The following LIMS1 variants were observed in gnomAD, a reference collection of about 807,000 sequenced individuals.
LIMS1 encodes the protein LIM zinc finger domain containing 1, also known as LIM and senescent cell antigen-like-containing domain protein 1.
Under a neutral mutation model 44.1 loss-of-function variants are expected in LIMS1, and 18 were observed. That is an observed-to-expected ratio of 0.41 (90% CI 0.28 to 0.61). The LOEUF (loss-of-function observed/expected upper bound fraction) is 0.61. LIMS1 is among the 20% of genes least tolerant of loss of function. The pLI, the probability that LIMS1 is intolerant of heterozygous loss-of-function variation, is 0.32. For missense variants in LIMS1, 201 were observed against 422.0 expected, an observed-to-expected ratio of 0.48 and a Z score of 4.59; for synonymous variants, 93 against 149.1, an observed-to-expected ratio of 0.62 and a Z score of 2.74.
intron 1 of LIMS1, among the ~76,000 whole-genome samples, chr2:108,625,636 T>A (rs1558815621): frequency 6.6e-6 from 1 of 150,840 alleles, no homozygotes; most frequent in Non-Finnish European, 1.5e-5. Context: ...AGGAGTAAAG[T>A]GAAAATGGGA....
intron 2 of LIMS1, among the ~76,000 whole-genome samples, chr2:108,664,313 A>T (rs1348969229): frequency 6.6e-6 from 1 of 152,184 alleles, no homozygotes; most frequent in Non-Finnish European, 1.5e-5. Flanking sequence ...AGCTTACTTG[A>T]AAGCAGCTCA....
At chr2:108,615,244 A>C (rs1448800245) in intron 1 of LIMS1, among the ~76,000 whole-genome samples, 1 of 152,206 alleles carries the variant, frequency 6.6e-6, no homozygotes. Flanking sequence ...AATTCCTTTT[A>C]AAAATAAGTT....
At chr2:108,681,127 C>T in intron 9 of LIMS1, 1 of 1,275,510 alleles carries the variant, frequency 7.8e-7, no homozygotes, top group Non-Finnish European at 9.9e-7. Flanking sequence ...ACTTTTCTAT[C>T]CCTGTGTCAT....
intron 1 of LIMS1, among the ~76,000 whole-genome samples, chr2:108,651,060 A>G (rs1690448490): frequency 6.6e-6 from 1 of 152,122 alleles, no homozygotes; most frequent in Non-Finnish European, 1.5e-5. Context: ...CAGAATGCCA[A>G]AATGGGCTGC....
chr2:108,545,391 G>T (rs566753108), intron 1 of LIMS1, among the ~76,000 whole-genome samples: 1 of 152,050 alleles, frequency 6.6e-6, no homozygotes, highest in Admixed American at 6.6e-5. Context: ...CCACCACCTC[G>T]CCTGGCTAAT....
chr2:108,538,325 A>G (rs1234591451), intron 1 of LIMS1, among the ~76,000 whole-genome samples: 1 of 152,214 alleles, frequency 6.6e-6, no homozygotes, highest in Non-Finnish European at 1.5e-5. Flanking sequence ...AGGAATGAGT[A>G]AGGGAGTCAT....
intron 1 of LIMS1, among the ~76,000 whole-genome samples, chr2:108,623,504 T>C (rs1688377937): frequency 6.6e-6 from 1 of 152,198 alleles, no homozygotes; most frequent in Non-Finnish European, 1.5e-5. Context: ...GCAGGTGGCA[T>C]TGTTATCTTG....
chr2:108,573,222 G>A (rs1455608689), intron 1 of LIMS1, among the ~76,000 whole-genome samples: 1 of 151,932 alleles, frequency 6.6e-6, no homozygotes, highest in Non-Finnish European at 1.5e-5. Flanking sequence ...TTTTATTGCA[G>A]AGTGATTACA....
At chr2:108,683,224 CTAATT>C (rs1693121909) in intron 9 of LIMS1, among the ~76,000 whole-genome samples, 1 of 152,044 alleles carries the variant, frequency 6.6e-6, no homozygotes, top group South Asian at 2.1e-4. Flanking sequence ...TCATGGCTAC[CTAATT>C]TAAAGTACTA....
intron 1 of LIMS1, among the ~76,000 whole-genome samples, chr2:108,587,913 T>G (rs1376768356): frequency 6.6e-6 from 1 of 152,064 alleles, no homozygotes; most frequent in Non-Finnish European, 1.5e-5. Flanking sequence ...GCCTGCACCT[T>G]GCCACCGGAA....
At chr2:108,577,294 G>A (rs866149077) in intron 1 of LIMS1, among the ~76,000 whole-genome samples, 10 of 152,312 alleles carry the variant, frequency 6.6e-5, no homozygotes, top group African/African-American at 2.2e-4. Flanking sequence ...ACTCACTTCC[G>A]TGATGAACCC....
At chr2:108,673,353 G>A in intron 5 of LIMS1, 2 of 390,140 alleles carry the variant, frequency 5.1e-6, no homozygotes, top group Non-Finnish European at 9.3e-6. Flanking sequence ...GAGAATAAGA[G>A]CATTTTCCTA....
At chr2:108,667,485 G>T in intron 2 of LIMS1, among the ~76,000 whole-genome samples, 1 of 144,384 alleles carries the variant, frequency 6.9e-6, no homozygotes, top group Non-Finnish European at 1.5e-5. Context: ...CCAAATTATA[G>T]TTAATCCTAA....
intron 1 of LIMS1, among the ~76,000 whole-genome samples, chr2:108,656,625 C>T (rs1690878416): frequency 6.6e-6 from 1 of 150,606 alleles, no homozygotes; most frequent in Non-Finnish European, 1.5e-5. Context: ...TTTCCTTTTT[C>T]CCCCTGCTTG....
At chr2:108,684,022 A>T (rs1184255665) in exon 10 of LIMS1, 8 of 1,231,562 alleles carry the variant, frequency 6.5e-6, no homozygotes, top group African/African-American at 1.5e-5. Flanking sequence ...TTTCTTTTCT[A>T]TGCAAGATAA....
chr2:108,654,183 G>C (rs1690692889), intron 1 of LIMS1, among the ~76,000 whole-genome samples: 1 of 151,806 alleles, frequency 6.6e-6, no homozygotes, highest in South Asian at 2.1e-4. Flanking sequence ...TTTTTCCTTG[G>C]CTTAGTGATT....
chr2:108,555,726 G>T (rs914216045), intron 1 of LIMS1, among the ~76,000 whole-genome samples: 1 of 152,172 alleles, frequency 6.6e-6, no homozygotes, highest in African/African-American at 2.4e-5. Context: ...AGTAGAATTG[G>T]GAGGCTGTCC....
chr2:108,652,251 T>C (rs1282012841), intron 1 of LIMS1, among the ~76,000 whole-genome samples: 365 of 151,616 alleles, frequency 2.4e-3, no homozygotes, highest in Admixed American at 0.02. Context: ...CAGAAATTTC[T>C]ATAGTTTCAT....
chr2:108,640,403 A>C (rs1689590356), intron 1 of LIMS1, among the ~76,000 whole-genome samples: 1 of 152,194 alleles, frequency 6.6e-6, no homozygotes, highest in African/African-American at 2.4e-5. Flanking sequence ...GGATTGAGTA[A>C]CTGACCTATT....
Sources: allele counts gnomAD v4.1 joint callset (sites outside exome capture counted in the v4.1 genomes callset), GRCh38; gene constraint gnomAD v4.1.1; transcripts MANE v1.5; gene names NCBI Gene and HGNC (gene_info 2026-07-23, HGNC 2026-07-21).